PPARGC1A: variants seen among roughly 807,000 people sequenced by gnomAD.
The protein encoded by PPARGC1A is PPARG coactivator 1 alpha.
Under a neutral mutation model 88.7 loss-of-function variants are expected in PPARGC1A, and 25 were observed. The ratio of observed to expected loss-of-function variants is 0.28; its 90% CI spans 0.21 to 0.39. The LOEUF (loss-of-function observed/expected upper bound fraction) is 0.39, where lower values mean the gene tolerates loss of function less well. Among genes scored for constraint, PPARGC1A ranks in the 10% least tolerant of loss-of-function variants. PPARGC1A has a pLI of 1.00. For synonymous variants in PPARGC1A, 363 were observed against 355.6 expected, an observed-to-expected ratio of 1.02 and a Z score of -0.24; for missense variants, 880 against 968.7, an observed-to-expected ratio of 0.91 and a Z score of 1.22.
chr4:24,421,710 A>ATGCG, the PPARGC1A span, among the ~76,000 whole-genome samples: 1 of 152,200 alleles, frequency 6.6e-6, no homozygotes, highest in Non-Finnish European at 1.5e-5. Flanking sequence ...TGCCTCCATG[A>ATGCG]TGCGTACCTG....
At chr4:24,073,795 C>T in the PPARGC1A span, among the ~76,000 whole-genome samples, 1 of 152,300 alleles carries the variant, frequency 6.6e-6, no homozygotes, top group South Asian at 2.1e-4. Context: ...ACCTTTAGTG[C>T]ACAGACTAGC....
chr4:23,858,360 C>G (rs2148698341), intron 2 of PPARGC1A, among the ~76,000 whole-genome samples: 1 of 152,200 alleles, frequency 6.6e-6, no homozygotes, highest in East Asian at 1.9e-4. Context: ...TAAATGTTTG[C>G]TGAATGAATA....
chr4:24,039,353 G>A, the PPARGC1A span, among the ~76,000 whole-genome samples: 4 of 152,058 alleles, frequency 2.6e-5, no homozygotes, highest in Admixed American at 6.6e-5. Flanking sequence ...GAAATATAAT[G>A]TCTGCATTCC....
At chr4:24,130,783 C>T in the PPARGC1A span, among the ~76,000 whole-genome samples, 10 of 152,110 alleles carry the variant, frequency 6.6e-5, no homozygotes, top group Non-Finnish European at 1.5e-4. Flanking sequence ...CCACAAGCTG[C>T]TGAAGACCCG....
the PPARGC1A span, among the ~76,000 whole-genome samples, chr4:24,018,799 A>G: frequency 6.6e-6 from 1 of 151,670 alleles, no homozygotes; most frequent in African/African-American, 2.4e-5. Flanking sequence ...GATCTCCCCC[A>G]TTTCCCCCAC....
At chr4:24,384,899 G>C in the PPARGC1A span, among the ~76,000 whole-genome samples, 26 of 152,222 alleles carry the variant, frequency 1.7e-4, no homozygotes, top group Non-Finnish European at 3.4e-4. Context: ...AGACCTAATA[G>C]ACATTTACAG....
the PPARGC1A span, among the ~76,000 whole-genome samples, chr4:24,447,519 G>A: frequency 3.9e-5 from 6 of 152,188 alleles, no homozygotes; most frequent in Non-Finnish European, 5.9e-5. Context: ...CAGCAGTCTC[G>A]ACCTTGCCTC....
chr4:24,073,101 G>A, the PPARGC1A span, among the ~76,000 whole-genome samples: 2 of 152,116 alleles, frequency 1.3e-5, no homozygotes, highest in South Asian at 2.1e-4. Context: ...GAGTCTAGTG[G>A]CACGATCTCA....
chr4:23,920,702 C>T, the PPARGC1A span, among the ~76,000 whole-genome samples: 3 of 152,208 alleles, frequency 2.0e-5, no homozygotes, highest in Non-Finnish European at 4.4e-5. Flanking sequence ...TCCTCACCCT[C>T]CCCTAAACTC....
chr4:24,046,887 C>A, the PPARGC1A span, among the ~76,000 whole-genome samples: 3 of 152,104 alleles, frequency 2.0e-5, no homozygotes, highest in East Asian at 5.8e-4. Flanking sequence ...GGGGCCCTAG[C>A]AAATGGCGGG....
intron 1 of PPARGC1A, among the ~76,000 whole-genome samples, chr4:23,887,550 T>C (rs2148845207): frequency 6.6e-6 from 1 of 152,334 alleles, no homozygotes; most frequent in Non-Finnish European, 1.5e-5. Context: ...CTCAATTTTA[T>C]AATAAGATTT....
At chr4:23,903,907 AG>A (rs1473317259), upstream of PPARGC1A, 1 of 399,132 alleles carries the variant, frequency 2.5e-6, no homozygotes, top group Non-Finnish European at 3.4e-6. Flanking sequence ...TATCTTTAAA[AG>A]CCCTCATCAC....
chr4:23,919,822 G>A, the PPARGC1A span, among the ~76,000 whole-genome samples: 1 of 152,182 alleles, frequency 6.6e-6, no homozygotes, highest in Non-Finnish European at 1.5e-5. Flanking sequence ...TACAGATAGA[G>A]AGCAGGTAGA....
rs865850241 is a variant in PPARGC1A, at chr4:23,822,246, G to A, written c.877+2034C>T. Among the ~76,000 whole-genome samples, 3 of 151,996 alleles carry A rather than the reference G, an allele frequency of 2.0e-5. No homozygotes were observed. The South Asian group carries it at 6.2e-4, about 32-fold the overall frequency. On this transcript the variant is annotated intron_variant, in intron 7 of 12. Coordinates refer to ENST00000264867, the MANE Select transcript of PPARGC1A (RefSeq NM_013261.5). ...TCATTGTCATCTGAGCATCCCTTTG[G>A]TTTCCTGCTTTCTTGCTTCTGCTCC... is the stretch of plus-strand genomic sequence containing the variant.
At chr4:24,326,253 T>C in the PPARGC1A span, among the ~76,000 whole-genome samples, 1 of 152,212 alleles carries the variant, frequency 6.6e-6, no homozygotes, top group South Asian at 2.1e-4. Context: ...ACTCGCCTGC[T>C]ACAGCATGGC....
chr4:24,132,703 ACCTGGTGTAGGGGGTTT>A, the PPARGC1A span, among the ~76,000 whole-genome samples: 1 of 152,070 alleles, frequency 6.6e-6, no homozygotes, highest in Non-Finnish European at 1.5e-5. Context: ...TTGATTCAAA[ACCTGGTGTAGGGGGTTT>A]CCCAGGTATT....
chr4:24,176,509 A>T, the PPARGC1A span, among the ~76,000 whole-genome samples: 1 of 152,274 alleles, frequency 6.6e-6, no homozygotes, highest in South Asian at 2.1e-4. Context: ...GAGGGTCATG[A>T]AAATGACAAT....
the PPARGC1A span, among the ~76,000 whole-genome samples, chr4:24,136,739 C>T: frequency 6.6e-6 from 1 of 152,042 alleles, no homozygotes; most frequent in Non-Finnish European, 1.5e-5. Flanking sequence ...GAACTGTGTC[C>T]CCTGAAATCC....
At chr4:24,028,507 A>G in the PPARGC1A span, among the ~76,000 whole-genome samples, 65 of 152,314 alleles carry the variant, frequency 4.3e-4, 2 homozygotes, top group African/African-American at 1.4e-3. Context: ...GTACTAAATG[A>G]CAGAGAAAAG....
Sources: allele counts gnomAD v4.1 joint callset (sites outside exome capture counted in the v4.1 genomes callset), GRCh38; gene constraint gnomAD v4.1.1; transcripts MANE v1.5; gene names NCBI Gene and HGNC (gene_info 2026-07-23, HGNC 2026-07-21).